GRM7: variants seen among roughly 807,000 people sequenced by gnomAD.
The protein encoded by GRM7 is metabotropic glutamate receptor 7.
GRM7 carries 35 observed loss-of-function variants against 84.5 expected under a neutral mutation model. The ratio of observed to expected loss-of-function variants is 0.41; its 90% CI spans 0.32 to 0.55. The LOEUF (loss-of-function observed/expected upper bound fraction) is 0.55. Ranked by LOEUF, GRM7 falls within the 20% of genes least tolerant of loss-of-function variation. The pLI is 0.19. For synonymous variants in GRM7, 487 were observed against 455.1 expected, an observed-to-expected ratio of 1.07 and a Z score of -0.89; for missense variants, 1,003 against 1,194.6, an observed-to-expected ratio of 0.84 and a Z score of 2.36.
intron 1 of GRM7, among the ~76,000 whole-genome samples, chr3:7,143,906 C>T (rs1338226437): frequency 6.6e-6 from 1 of 152,114 alleles, no homozygotes; most frequent in African/African-American, 2.4e-5. Context: ...CTTTTCCTCC[C>T]TCTTCTATTT....
At chr3:7,310,888 C>A (rs745421580) in intron 4 of GRM7, among the ~76,000 whole-genome samples, 3 of 152,108 alleles carry the variant, frequency 2.0e-5, no homozygotes, top group Admixed American at 2.0e-4. Flanking sequence ...TTATCCCTCT[C>A]GCATGAGATC....
chr3:7,717,372 T>TA (rs1701800597), intron 9 of GRM7, among the ~76,000 whole-genome samples: 3 of 151,836 alleles, frequency 2.0e-5, no homozygotes, highest in African/African-American at 7.3e-5. Context: ...TCAGGTTGAT[T>TA]TAAAAAAAAA....
chr3:7,421,043 T>G (rs145952794), intron 5 of GRM7, among the ~76,000 whole-genome samples: 1 of 152,272 alleles, frequency 6.6e-6, no homozygotes, highest in East Asian at 1.9e-4. Context: ...TAGACTTCAG[T>G]TTTTCATGTG....
At chr3:7,459,625 G>A (rs1698158004) in intron 6 of GRM7, among the ~76,000 whole-genome samples, 3 of 152,122 alleles carry the variant, frequency 2.0e-5, no homozygotes, top group Non-Finnish European at 4.4e-5. Context: ...CATCAGATCT[G>A]GTGAGACTCA....
intron 1 of GRM7, among the ~76,000 whole-genome samples, chr3:7,098,219 G>T (rs1698924814): frequency 6.6e-6 from 1 of 151,956 alleles, no homozygotes; most frequent in African/African-American, 2.4e-5. Flanking sequence ...ATAATGTATA[G>T]CATTTTGAAT....
At chr3:7,550,723 C>G (rs1693427919) in intron 7 of GRM7, among the ~76,000 whole-genome samples, 2 of 151,560 alleles carry the variant, frequency 1.3e-5, no homozygotes, top group African/African-American at 4.9e-5. Flanking sequence ...TTCTGAAATG[C>G]CCTGGATCAC....
intron 1 of GRM7, among the ~76,000 whole-genome samples, chr3:7,090,032 G>A (rs1471281000): frequency 1.3e-5 from 2 of 152,040 alleles, no homozygotes; most frequent in South Asian, 2.1e-4. Context: ...TGGCAGAGAC[G>A]TGGTTTCACC....
At chr3:6,898,669 C>T (rs776595951) in intron 1 of GRM7, among the ~76,000 whole-genome samples, 50 of 152,104 alleles carry the variant, frequency 3.3e-4, no homozygotes, top group Admixed American at 2.9e-3. Context: ...GCTGAGGTTA[C>T]CTATTTTGGC....
intron 1 of GRM7, among the ~76,000 whole-genome samples, chr3:7,068,617 T>C (rs894213640): frequency 6.6e-6 from 1 of 152,032 alleles, no homozygotes; most frequent in East Asian, 1.9e-4. Context: ...ACTGAGATAG[T>C]ATATTAGGAT....
intron 1 of GRM7, among the ~76,000 whole-genome samples, chr3:7,141,099 G>GGAAA (rs1257641181): frequency 1.3e-5 from 2 of 151,886 alleles, no homozygotes; most frequent in African/African-American, 4.8e-5. Context: ...ATAACAAAAG[G>GGAAA]GAAAGGAATT....
rs1693505530 is a variant in GRM7 at position 7,358,393 on chromosome 3, A to G, written c.1033+51741A>G. The stretch of plus-strand genomic sequence containing the variant: ...ACCATAGTCATTTGACAAATAACAA[A>G]CATTCATAAAAGTTGACAAAATTAA... On this transcript the variant is annotated intron_variant, in intron 4 of 9. Transcript: ENST00000357716. Among the ~76,000 whole-genome samples the G allele has an allele frequency of 1.6e-5, 2 of 125,034 alleles. 1 individual carries two copies. The highest frequency in any genetic ancestry group is 6.9e-5 in the African/African-American group (2 of 28,906). 82.0% of individuals were successfully genotyped at this position (125,034 alleles called of 152,430 possible). A position where few individuals can be genotyped will look rare whatever the true frequency, so the allele number is the denominator to read the frequency against.
chr3:6,938,339 C>T lies in GRM7; in HGVS notation c.519+76432C>T, dbSNP rs534224493. ...TATCATATTCTACCATGTGGCTTTCCAGAAGTATTACACAAAGTCAAAGTC... is the reference window on the plus strand; with the variant it reads ...TATCATATTCTACCATGTGGCTTTCTAGAAGTATTACACAAAGTCAAAGTC... On this transcript the variant is annotated intron_variant, in intron 1 of 9. Transcript: ENST00000357716. Among the ~76,000 whole-genome samples the T allele has an allele frequency of 5.1e-4, 78 of 152,112 alleles. 2 individuals are homozygous for T. Among genetic ancestry groups the T allele is most frequent in the Non-Finnish European group, 3.1e-4 (21 of 68,018 alleles).
intron 1 of GRM7, among the ~76,000 whole-genome samples, chr3:7,016,563 G>T (rs986086035): frequency 6.6e-6 from 1 of 152,152 alleles, no homozygotes; most frequent in Non-Finnish European, 1.5e-5. Flanking sequence ...CAAGGCAAGT[G>T]TAAGTTACAA....
chr3:7,702,642 T>C (rs1331234727), intron 9 of GRM7, among the ~76,000 whole-genome samples: 2 of 152,256 alleles, frequency 1.3e-5, no homozygotes, highest in Non-Finnish European at 2.9e-5. Flanking sequence ...TAAGTTATTC[T>C]TATAAGTACA....
At chr3:7,073,435 A>AC (rs1697953745) in intron 1 of GRM7, among the ~76,000 whole-genome samples, 1 of 152,120 alleles carries the variant, frequency 6.6e-6, no homozygotes, top group Non-Finnish European at 1.5e-5. Context: ...TCAAGGCAGC[A>AC]CTGTGCCTTA....
intron 1 of GRM7, among the ~76,000 whole-genome samples, chr3:6,980,782 G>T (rs1419542274): frequency 6.6e-6 from 1 of 152,166 alleles, no homozygotes; most frequent in Non-Finnish European, 1.5e-5. Context: ...GCTAGAGAAG[G>T]AAGAAAAGAA....
At chr3:7,644,712 C>G (rs906165789) in intron 8 of GRM7, among the ~76,000 whole-genome samples, 1 of 152,162 alleles carries the variant, frequency 6.6e-6, no homozygotes, top group Non-Finnish European at 1.5e-5. Context: ...AATGTTTTAG[C>G]CTCAATTATC....
intron 2 of GRM7, among the ~76,000 whole-genome samples, chr3:7,227,668 A>C (rs1394024501): frequency 6.6e-6 from 1 of 152,208 alleles, no homozygotes; most frequent in African/African-American, 2.4e-5. Context: ...CAACAAATGG[A>C]AGGTTTCTTT....
intron 7 of GRM7, among the ~76,000 whole-genome samples, chr3:7,496,098 C>T (rs894535454): frequency 6.6e-6 from 1 of 152,182 alleles, no homozygotes; most frequent in Admixed American, 6.5e-5. Context: ...AGCTTCTGGG[C>T]AGAGACCTGT....
Sources: allele counts gnomAD v4.1 joint callset (sites outside exome capture counted in the v4.1 genomes callset), GRCh38; gene constraint gnomAD v4.1.1; transcripts MANE v1.5; gene names NCBI Gene and HGNC (gene_info 2026-07-23, HGNC 2026-07-21).